Variants in INTS1 observed in about 807,000 individuals in gnomAD.
INTS1 encodes the protein integrator complex subunit 1.
INTS1 carries 137 observed loss-of-function variants against 241.6 expected under a neutral mutation model. The observed-to-expected ratio is 0.57, with a 90% CI of 0.49 to 0.65. The LOEUF is 0.65. Ranked by LOEUF, INTS1 falls within the 30% of genes least tolerant of loss-of-function variation. The pLI is 0.00. For missense variants in INTS1, 3,073 were observed against 3,032.2 expected (o/e 1.01, Z -0.32); for synonymous variants, 1,692 against 1,337.8 (o/e 1.26, Z -5.78).
At chr7:1,487,482 C>G (rs371090941) in intron 19 of INTS1, 33 bp from the exon 20 acceptor site, 1 of 1,599,018 alleles carries the variant, frequency 6.3e-7, no homozygotes, top group Non-Finnish European at 8.5e-7. Flanking sequence ...TGCGTCAGCA[C>G]GCCCTGAGCG....
chr7:1,489,522 C>T, intron 17 of INTS1, 69 bp downstream of exon 17: 1 of 1,525,478 alleles, frequency 6.6e-7, no homozygotes, highest in African/African-American at 1.4e-5. Flanking sequence ...TCCCAACAGA[C>T]AAACTGCCCC....
rs1411075162 is a variant in INTS1, at chr7:1,498,629, G to A, written c.1284-76C>T. On this transcript the variant is annotated intron_variant, in intron 9 of 47. Transcript: ENST00000404767. ...CTCCGCCTGTGCCCCCACTCCGCCC[G>A]CACCCCCGCTCCGCCCACACCCCCA... is the stretch of plus-strand genomic sequence containing the variant. The A allele has an allele frequency of 2.9e-5, 35 of 1,218,492 alleles. 1 individual carries two copies. The Middle Eastern group carries it at 1.2e-3, about 43-fold the overall frequency. 75.5% of individuals were successfully genotyped at this position (1,218,492 alleles called of 1,614,324 possible).
rs938628660 is a variant in INTS1, at chr7:1,484,167, C to T, written c.3265G>A (p.Val1089Met). 2.5e-6 allele frequency: 4 copies of T among 1,608,258 alleles called. No individual in the cohort carries two copies. The highest frequency in any genetic ancestry group is 3.4e-6 in the Non-Finnish European group (4 of 1,177,694). ...QAQHSDLALDVARLVVERSTI... is the reference protein window; with the variant it reads ...QAQHSDLALDMARLVVERSTI... ...GAGCGCTCCACGACCAGCCGGGCCA[C>T]GTCCTGGTGTGTGGACAGGGGGGCG... The change falls in exon 25 of 48, where the codon GTG becomes ATG. Residue 1089 changes from valine (V) to methionine (M), a missense_variant. Coordinates refer to ENST00000404767, the MANE Select transcript of INTS1 (RefSeq NM_001080453.3).
intron 39 of INTS1, among the ~76,000 whole-genome samples, chr7:1,475,661 G>A (rs376876243): frequency 3.9e-5 from 6 of 152,158 alleles, no homozygotes; most frequent in South Asian, 4.1e-4. Context: ...GTGACCCCAC[G>A]TCCACCAGCA....
At chr7:1,482,396 C>G (rs978123201) in intron 27 of INTS1, 150 bp downstream of exon 27, 4 of 711,090 alleles carry the variant, frequency 5.6e-6, no homozygotes, top group African/African-American at 5.4e-5. Flanking sequence ...CTGCTGTGGC[C>G]AGGACATATG....
At position 1,486,587 on chromosome 7, in the gene INTS1, TGAA is replaced by T. The variant is rs1467967209; in HGVS notation, c.2976+35_2976+37del. On this transcript the variant is annotated intron_variant, in intron 22 of 47. Transcript: ENST00000404767. ...GTCCCCAGCCTACTCATTTTAAACA[TGAA>T]GAGCGTGCGCAGAAAGACCCGCCCA... The T allele has an allele frequency of 3.1e-6, 5 of 1,594,594 alleles. No homozygotes were observed. In the African/African-American group the frequency reaches 6.7e-5, roughly 21 times the overall value.
chr7:1,480,281 C>A (rs1290920820), intron 30 of INTS1, 36 bp downstream of exon 30: 8 of 1,574,560 alleles, frequency 5.1e-6, no homozygotes, highest in Non-Finnish European at 6.9e-6. Context: ...GGAAGAGGGG[C>A]TGCAGGTGGA....
chr7:1,474,189 C>A lies in INTS1; in HGVS notation c.5808G>T (p.Leu1936=). Residue 1936 remains leucine (L), a synonymous_variant, in exon 41 of 48, where the codon CTG becomes CTT. Coordinates refer to ENST00000404767, the MANE Select transcript of INTS1 (RefSeq NM_001080453.3). ...EHQGALWDCL[L]SFIRLLLNYR... ...ACACCAGCAGCAGGCGGATGAAGGA[C>A]AGAAGGCAGTCCCACAGCGCCCCCT... 1.9e-6 allele frequency: 3 copies of A among 1,582,384 alleles called. No individual in the cohort carries two copies. The highest frequency in any genetic ancestry group is 2.2e-5 in the South Asian group (2 of 89,104).
chr7:1,487,962 G>C lies in INTS1; in HGVS notation c.2319-5C>G, dbSNP rs955838735. ...CACGGTGGGTAGGAGTAGTTGCTAGGGCCAGACGGGGGAGCGTGTCACCCT... is the reference window on the plus strand; with the variant it reads ...CACGGTGGGTAGGAGTAGTTGCTAGCGCCAGACGGGGGAGCGTGTCACCCT... On this transcript the variant is annotated splice_polypyrimidine_tract_variant and splice_region_variant and intron_variant, in intron 18 of 47. Transcript: ENST00000404767. The C allele has an allele frequency of 6.2e-7, 1 of 1,612,630 alleles. No homozygotes were observed. The highest frequency in any genetic ancestry group is 1.3e-5 in the African/African-American group (1 of 74,908).
At chr7:1,488,057 C>T in intron 18 of INTS1, 100 bp from the exon 19 acceptor site, 2 of 1,168,466 alleles carry the variant, frequency 1.7e-6, no homozygotes, top group Non-Finnish European at 2.5e-6. Flanking sequence ...CCTACGGCTG[C>T]TGCTGCCTCT....
Position 1,489,403 on chromosome 7 carries a change from G to A in INTS1, c.2259C>T (p.Gly753=). ...TCGGGTACTCCTCCCACGCAGCCAG[G>A]CCTAGGGAACCGGAGGGTGTGGGGC... ...VVAAFNPENI[G]LAAWEEYPTL... Residue 753 remains glycine, a splice_region_variant and synonymous_variant, in exon 18 of 48, where the codon GGC becomes GGT. Coordinates refer to ENST00000404767, the MANE Select transcript of INTS1 (RefSeq NM_001080453.3). 9.9e-7 allele frequency: 1 copy of A among 1,009,234 alleles called. No homozygotes were observed. The highest frequency in any genetic ancestry group is 1.2e-6 in the Non-Finnish European group (1 of 848,068). 62.5% of individuals were successfully genotyped at this position (1,009,234 alleles called of 1,614,324 possible).
At position 1,497,102 on chromosome 7, in the gene INTS1, G is replaced by T. The variant is rs1247679633; in HGVS notation, c.1602+36C>A. 3.8e-6 allele frequency: 6 copies of T among 1,566,296 alleles called. No homozygotes were observed. The highest frequency in any genetic ancestry group is 5.2e-6 in the Non-Finnish European group (6 of 1,159,630). ...GGGATGGCGGCGCGTGGAACCCGCAGTGAGGGAAAGGCGCCCCAGCGGCGA... is the reference window on the plus strand; with the variant it reads ...GGGATGGCGGCGCGTGGAACCCGCATTGAGGGAAAGGCGCCCCAGCGGCGA... On this transcript the variant is annotated intron_variant, in intron 11 of 47. Coordinates refer to ENST00000404767, the MANE Select transcript of INTS1 (RefSeq NM_001080453.3). This position sits in a 1 kb window ranked among gnomAD's most constrained non-coding sequence, Gnocchi z 5.3.
rs865942844 is a variant in INTS1, at chr7:1,476,449, G to A, written c.5158C>T (p.Arg1720Trp). The A allele has an allele frequency of 1.3e-5, 21 of 1,569,378 alleles. No homozygotes were observed. The highest frequency in any genetic ancestry group is 1.3e-4 in the Admixed American group (7 of 55,976). The change falls in exon 38 of 48, where the codon CGG becomes TGG. Residue 1720 changes from arginine (R) to tryptophan (W), a missense_variant. Physicochemically the swap from Arg to Trp is moderately radical, Grantham distance 101. Transcript: ENST00000404767. The stretch of plus-strand genomic sequence containing the variant: ...TGGACCCGCAGCACCAGCTCCTCCC[G>A]CCGCTTCTGTAACGGGTGCCTGCAT... ...GRDQRTPQKR[R>W]EELVLRVQGP...
chr7:1,498,943 G>GGGGGCCC, intron 8 of INTS1, 32 bp downstream of exon 8: 1 of 1,070,736 alleles, frequency 9.3e-7, no homozygotes, highest in Non-Finnish European at 1.3e-6. Flanking sequence ...CCCACCCCCT[G>GGGGGCCC]CCCCGCCCAC....
Position 1,472,331 on chromosome 7 carries a change from CAG to C in INTS1, c.6124_6125del (p.Leu2042AspfsTer27), listed in dbSNP as rs1243646528. The C allele has an allele frequency of 6.4e-7, 1 of 1,573,440 alleles. No individual in the cohort carries two copies. Among genetic ancestry groups the C allele is most frequent in the Non-Finnish European group, 8.6e-7 (1 of 1,160,260 alleles). On this transcript the variant is annotated frameshift_variant, in exon 44 of 48. Coordinates refer to ENST00000404767, the MANE Select transcript of INTS1 (RefSeq NM_001080453.3). LOFTEE classifies it high-confidence loss of function. ...PLVSVSLFTPLTAAEMAPYMK... is the reference protein window; with the variant it reads ...PLVSVSLFTPXTAAEMAPYMK... Reference sequence around the variant, plus strand: ...TGTAGGGGGCCATCTCGGCCGCGGTCAGAGGGGTGAACAGGGAGACGCTGACC... The same window carrying C: ...TGTAGGGGGCCATCTCGGCCGCGGTCAGGGGTGAACAGGGAGACGCTGACC...
Position 1,478,853 on chromosome 7 carries a change from C to T in INTS1, c.4362G>A (p.Ser1454=), listed in dbSNP as rs752232795. The T allele has an allele frequency of 6.2e-6, 10 of 1,610,490 alleles. No homozygotes were observed. Among genetic ancestry groups the T allele is most frequent in the Middle Eastern group, 1.7e-4 (1 of 6,044 alleles). The stretch of plus-strand genomic sequence containing the variant: ...TCTGCAGGAGCACCTTCAGGAAGAG[C>T]GAGGAGAAGCCGGTGTCCTGTGGCA... The part of the protein sequence containing the change: ...RCVPQDTGFS[S]LFLKVLLQML... The change falls in exon 32 of 48, where the codon TCG becomes TCA. Residue 1454 remains serine (S), a synonymous_variant. Transcript: ENST00000404767.
intron 19 of INTS1, 92 bp from the exon 20 acceptor site, chr7:1,487,541 C>A: frequency 6.8e-7 from 1 of 1,464,324 alleles, no homozygotes; most frequent in South Asian, 1.3e-5. Flanking sequence ...CGAGGGGCAG[C>A]CGACAGCCCG....
At position 1,493,450 on chromosome 7, in the gene INTS1, C is replaced by T. The variant is rs905973008; in HGVS notation, c.2068+304G>A. ...CTGGATTTACAATCATTCTACCTGT[C>T]GCCTAAAGGAGGTGACAGACAGGAA... On this transcript the variant is annotated intron_variant, in intron 15 of 47. Coordinates refer to ENST00000404767, the MANE Select transcript of INTS1 (RefSeq NM_001080453.3). The surrounding 1 kb of genome is among the most constrained non-coding windows in gnomAD (Gnocchi z 5.3). Among the ~76,000 whole-genome samples, 1 of 152,156 alleles carries T rather than the reference C, an allele frequency of 6.6e-6. No homozygotes were observed. The highest frequency in any genetic ancestry group is 1.5e-5 in the Non-Finnish European group (1 of 68,018).
At position 1,477,745 on chromosome 7, in the gene INTS1, C is replaced by A; in HGVS notation, c.4814+8G>T. 1 of 1,611,678 alleles carries A rather than the reference C, an allele frequency of 6.2e-7. No homozygotes were observed. Among genetic ancestry groups the A allele is most frequent in the South Asian group, 1.1e-5 (1 of 91,016 alleles). On this transcript the variant is annotated splice_region_variant and intron_variant, in intron 34 of 47. Transcript: ENST00000404767. ...CCCACCCTGGCCGTGTGCAGCACCC[C>A]AGCTCACCTGCCACCGTCCGCACCC...
Sources: allele counts gnomAD v4.1 joint callset (sites outside exome capture counted in the v4.1 genomes callset), GRCh38; gene constraint gnomAD v4.1.1; non-coding constraint Gnocchi (gnomAD v3.1); transcripts MANE v1.5; gene names NCBI Gene and HGNC (gene_info 2026-07-23, HGNC 2026-07-21).